Variants in TSHZ2 observed in about 807,000 individuals in gnomAD.
TSHZ2 encodes teashirt zinc finger homeobox 2.
In TSHZ2, 21 loss-of-function variants were observed where a neutral mutation model predicts 74.4. That is an observed-to-expected ratio of 0.28 (90% confidence interval 0.20 to 0.41). The LOEUF is 0.41. Among genes scored for constraint, TSHZ2 ranks in the 10% least tolerant of loss-of-function variants. TSHZ2 has a pLI of 1.00. For missense variants in TSHZ2, 1,244 were observed against 1,293.5 expected (o/e 0.96, Z 0.59); for synonymous variants, 540 against 515.3 (o/e 1.05, Z -0.65).
At chr20:53,291,746 G>A (rs547166056) in intron 2 of TSHZ2, among the ~76,000 whole-genome samples, 8 of 152,148 alleles carry the variant, frequency 5.3e-5, no homozygotes, top group African/African-American at 1.7e-4. Flanking sequence ...CCCTCTGCAG[G>A]GCAGATGGCT....
At chr20:53,234,701 G>A (rs767857578) in intron 1 of TSHZ2, among the ~76,000 whole-genome samples, 2 of 152,148 alleles carry the variant, frequency 1.3e-5, no homozygotes, top group Non-Finnish European at 2.9e-5. Context: ...GCCTAAGATG[G>A]GAATGTTCCT....
In TSHZ2 at chr20:53,253,991, A is replaced by G. The variant is rs770504752; in HGVS notation, c.533A>G (p.Gln178Arg). The change falls in exon 2 of 3, where the codon CAG (glutamine) becomes CGG (arginine). Residue 178 changes from glutamine (Q) to arginine (R), a missense_variant. By Grantham distance (43) the Gln-to-Arg change is conservative. Coordinates refer to ENST00000371497, the MANE Select transcript of TSHZ2 (RefSeq NM_173485.6). ...WHQDALSKSLQQNLPSRSVSK... is the reference protein window; with the variant it reads ...WHQDALSKSLRQNLPSRSVSK... ...CAAGACGCTCTGTCCAAAAGCCTGC[A>G]GCAGAACTTGCCTTCTCGGTCCGTC... 5.6e-6 allele frequency: 9 copies of G among 1,614,044 alleles called. No individual in the cohort carries two copies. The highest frequency in any genetic ancestry group is 3.3e-5 in the Admixed American group (2 of 60,000).
At chr20:53,139,261 C>A (rs901424429) in intron 1 of TSHZ2, among the ~76,000 whole-genome samples, 12 of 152,212 alleles carry the variant, frequency 7.9e-5, no homozygotes, top group African/African-American at 2.4e-4. Flanking sequence ...TTGTTCATTG[C>A]AGTATCACCT....
chr20:53,185,755 C>G (rs1292613001), intron 1 of TSHZ2: 2 of 1,515,922 alleles, frequency 1.3e-6, no homozygotes, highest in African/African-American at 2.8e-5. Context: ...TTCAGTTGCC[C>G]TTCAACCATT....
intron 1 of TSHZ2, among the ~76,000 whole-genome samples, chr20:53,187,142 G>A (rs946395435): frequency 5.3e-5 from 8 of 152,050 alleles, no homozygotes; most frequent in Admixed American, 2.0e-4. Context: ...TTTGACACTC[G>A]CCGCACGTCT....
At chr20:53,093,751 A>C (rs758353362) in intron 1 of TSHZ2, among the ~76,000 whole-genome samples, 18 of 152,208 alleles carry the variant, frequency 1.2e-4, no homozygotes, top group Non-Finnish European at 2.2e-4. Flanking sequence ...TTGAAATCAC[A>C]GTGCTTTGTA....
At chr20:52,981,629 A>C (rs944698384) in intron 1 of TSHZ2, among the ~76,000 whole-genome samples, 1 of 152,168 alleles carries the variant, frequency 6.6e-6, no homozygotes, top group Non-Finnish European at 1.5e-5. Flanking sequence ...ATGGATTTTG[A>C]TTTGTAAGCC....
chr20:53,298,230 C>G (rs1991418279), intron 2 of TSHZ2, among the ~76,000 whole-genome samples: 1 of 152,242 alleles, frequency 6.6e-6, no homozygotes, highest in Admixed American at 6.5e-5. Context: ...TCAATTGTAA[C>G]TATGATATGT....
At chr20:53,109,356 C>T (rs1040459292) in intron 1 of TSHZ2, among the ~76,000 whole-genome samples, 1 of 152,182 alleles carries the variant, frequency 6.6e-6, no homozygotes. Context: ...CTGTCGGTCT[C>T]TCCGCCTGTC....
chr20:53,229,018 G>A (rs1342535811), intron 1 of TSHZ2, among the ~76,000 whole-genome samples: 1 of 152,078 alleles, frequency 6.6e-6, no homozygotes, highest in African/African-American at 2.4e-5. Flanking sequence ...CCCATACTCG[G>A]GAGTCAACAC....
At chr20:53,193,667 C>T (rs908618096) in intron 1 of TSHZ2, among the ~76,000 whole-genome samples, 1 of 152,210 alleles carries the variant, frequency 6.6e-6, no homozygotes, top group Non-Finnish European at 1.5e-5. Context: ...CTTTTCAGTG[C>T]TCGTACCACA....
chr20:53,412,811 C>T (rs1983100317), intron 2 of TSHZ2: 1 of 152,362 alleles, frequency 6.6e-6, no homozygotes, highest in Non-Finnish European at 1.5e-5. Context: ...CAGAGGTCAG[C>T]TGATCCAAGC....
chr20:53,049,339 C>T (rs947258336), intron 1 of TSHZ2, among the ~76,000 whole-genome samples: 3 of 152,070 alleles, frequency 2.0e-5, no homozygotes, highest in African/African-American at 7.2e-5. Context: ...CTCCTATTCA[C>T]GGTGCTCTTC....
chr20:53,319,158 T>C (rs1190464968), intron 2 of TSHZ2, among the ~76,000 whole-genome samples: 1 of 152,208 alleles, frequency 6.6e-6, no homozygotes, highest in Non-Finnish European at 1.5e-5. Flanking sequence ...AACCATATCA[T>C]ATGCATTCAC....
chr20:53,357,517 ATAAAAT>A (rs1568883202), intron 2 of TSHZ2, among the ~76,000 whole-genome samples: 2 of 152,132 alleles, frequency 1.3e-5, no homozygotes, highest in Non-Finnish European at 2.9e-5. Flanking sequence ...TAAAAAAAAA[ATAAAAT>A]TAAATAAAAT....
At chr20:53,056,943 C>T (rs1343128913) in intron 1 of TSHZ2, among the ~76,000 whole-genome samples, 2 of 152,170 alleles carry the variant, frequency 1.3e-5, no homozygotes, top group East Asian at 3.9e-4. Flanking sequence ...CAAATCTCAT[C>T]CTGAATTGTA....
chr20:53,475,820 AG>A (rs1490875170), intron 2 of TSHZ2, among the ~76,000 whole-genome samples: 1 of 138,212 alleles, frequency 7.2e-6, no homozygotes, highest in Non-Finnish European at 1.5e-5. Flanking sequence ...AAAATGACAA[AG>A]GGGATATCAC....
At chr20:53,035,385 T>C (rs991449766) in intron 1 of TSHZ2, among the ~76,000 whole-genome samples, 7 of 152,006 alleles carry the variant, frequency 4.6e-5, no homozygotes, top group Non-Finnish European at 1.0e-4. Context: ...ATGAGGTTTT[T>C]TGTTTTTTTG....
chr20:53,260,117 C>T (rs1420394026), intron 2 of TSHZ2, among the ~76,000 whole-genome samples: 3 of 151,868 alleles, frequency 2.0e-5, no homozygotes, highest in Non-Finnish European at 4.4e-5. Flanking sequence ...CATCCTTCAA[C>T]AAATACTGGT....
Sources: allele counts gnomAD v4.1 joint callset (sites outside exome capture counted in the v4.1 genomes callset), GRCh38; gene constraint gnomAD v4.1.1; transcripts MANE v1.5; gene names NCBI Gene and HGNC (gene_info 2026-07-23, HGNC 2026-07-21).